The following RAPGEF1 variants were observed in gnomAD, a reference collection of about 807,000 sequenced individuals.
RAPGEF1 encodes the protein Rap guanine nucleotide exchange factor 1.
RAPGEF1 carries 33 observed loss-of-function variants against 143.3 expected under a neutral mutation model. That is an observed-to-expected ratio of 0.23 (90% CI 0.17 to 0.31). RAPGEF1 has a LOEUF of 0.31. RAPGEF1 is among the 10% of genes least tolerant of loss of function. The probability of loss-of-function intolerance (pLI) is 1.00; values close to 1 mark genes in which losing one functional copy is unlikely to be tolerated. For missense variants in RAPGEF1, 1,199 were observed against 1,645.4 expected (o/e 0.73, Z 4.69); for synonymous variants, 629 against 676.5 (o/e 0.93, Z 1.09).
At chr9:131,669,284 AG>A (rs1305766212) in intron 1 of RAPGEF1, among the ~76,000 whole-genome samples, 1 of 152,182 alleles carries the variant, frequency 6.6e-6, no homozygotes, top group Non-Finnish European at 1.5e-5. Flanking sequence ...CCCAGACAAC[AG>A]GGGAAGGAGC....
At chr9:131,630,379 AC>A in intron 5 of RAPGEF1, 55 bp from the exon 6 acceptor site, 1 of 1,564,922 alleles carries the variant, frequency 6.4e-7, no homozygotes, top group Non-Finnish European at 8.8e-7. Flanking sequence ...CTGAGTTTCC[AC>A]CAGAAGGCAG....
intron 5 of RAPGEF1, among the ~76,000 whole-genome samples, chr9:131,636,428 C>CT (rs895804635): frequency 6.6e-6 from 1 of 151,500 alleles, no homozygotes; most frequent in Non-Finnish European, 1.5e-5. Context: ...TTTCTCTCTC[C>CT]TTTTTTTTTC....
intron 12 of RAPGEF1, among the ~76,000 whole-genome samples, chr9:131,610,545 C>T (rs2132625629): frequency 6.6e-6 from 1 of 152,212 alleles, no homozygotes; most frequent in East Asian, 1.9e-4. Context: ...TTTTTGGATG[C>T]TACTTAGCAA....
At chr9:131,647,207 A>T (rs1258212594) in intron 3 of RAPGEF1, among the ~76,000 whole-genome samples, 1 of 152,270 alleles carries the variant, frequency 6.6e-6, no homozygotes, top group Non-Finnish European at 1.5e-5. Flanking sequence ...TTCACTAAGA[A>T]GATGCAAGAG....
Position 131,650,541 on chromosome 9 carries a change from T to C in RAPGEF1, c.201+269A>G, listed in dbSNP as rs1358615491. ...GAGGCAGCAGCCTGGGGTGTGGACA[T>C]GATGTGCTGAGCTGTTTTAAATGCC... On this transcript the variant is annotated intron_variant, in intron 2 of 26. Coordinates refer to ENST00000683357, the MANE Select transcript of RAPGEF1 (RefSeq NM_001377935.1). The surrounding 1 kb of genome is among the most constrained non-coding windows in gnomAD (Gnocchi z 4.7). Among the ~76,000 whole-genome samples the C allele has an allele frequency of 6.6e-6, 1 of 152,074 alleles. No individual in the cohort carries two copies. Among genetic ancestry groups the C allele is most frequent in the African/African-American group, 2.4e-5 (1 of 41,420 alleles).
chr9:131,615,851 C>T (rs960482093), intron 12 of RAPGEF1, among the ~76,000 whole-genome samples: 4 of 152,174 alleles, frequency 2.6e-5, no homozygotes, highest in East Asian at 1.9e-4. Context: ...GTCCTTGCTC[C>T]GCCACCCACA....
At chr9:131,681,406 T>C (rs1832898942) in intron 1 of RAPGEF1, among the ~76,000 whole-genome samples, 1 of 152,150 alleles carries the variant, frequency 6.6e-6, no homozygotes, top group South Asian at 2.1e-4. Context: ...CACCCCCAGA[T>C]CAACAGGGAA....
At chr9:131,582,274 T>C (rs4740286) in intron 25 of RAPGEF1, among the ~76,000 whole-genome samples, 1 of 151,882 alleles carries the variant, frequency 6.6e-6, no homozygotes, top group Non-Finnish European at 1.5e-5. Flanking sequence ...CATACATCTG[T>C]CACAAGCATG....
chr9:131,643,549 G>A, intron 3 of RAPGEF1, 132 bp from the exon 4 acceptor site: 2 of 872,362 alleles, frequency 2.3e-6, no homozygotes, highest in Non-Finnish European at 3.4e-6. Flanking sequence ...CAGAAACCAA[G>A]CCAGATCATT....
chr9:131,714,699 C>T (rs989056510), intron 1 of RAPGEF1, among the ~76,000 whole-genome samples: 1 of 130,938 alleles, frequency 7.6e-6, no homozygotes, highest in Non-Finnish European at 1.6e-5. Flanking sequence ...GTCCTCTAGA[C>T]TCTGCCTTTT....
rs578071345 is a variant in RAPGEF1 at position 131,684,905 on chromosome 9, C to A, written c.62-33956G>T. ...AGACTGATGCTGAGGAGGACCCCAA[C>A]TGTCATGAGCAACACCCGTCGAACA... On this transcript the variant is annotated intron_variant, in intron 1 of 26. Coordinates refer to ENST00000683357, the MANE Select transcript of RAPGEF1 (RefSeq NM_001377935.1). Among the ~76,000 whole-genome samples, 4 of 152,304 alleles carry A rather than the reference C, an allele frequency of 2.6e-5. 1 individual carries two copies. The highest frequency in any genetic ancestry group is 9.6e-5 in the African/African-American group (4 of 41,558).
At chr9:131,587,675 A>C (rs1303355591) in intron 22 of RAPGEF1, 61 bp downstream of exon 22, 2 of 1,490,394 alleles carry the variant, frequency 1.3e-6, no homozygotes, top group African/African-American at 2.8e-5. Context: ...AGGAAAACGC[A>C]GAGCCCACCC....
At chr9:131,620,111 C>T (rs182739419) in intron 11 of RAPGEF1, among the ~76,000 whole-genome samples, 26 of 152,272 alleles carry the variant, frequency 1.7e-4, no homozygotes, top group Admixed American at 6.5e-5. Flanking sequence ...GGGCTGAGCT[C>T]GCCACTGCCC....
chr9:131,636,514 C>T (rs956345026), intron 5 of RAPGEF1, among the ~76,000 whole-genome samples: 10 of 152,260 alleles, frequency 6.6e-5, no homozygotes, highest in South Asian at 2.1e-4. Flanking sequence ...GCTGTAATGA[C>T]TCCATAGAGG....
chr9:131,738,461 TTCAGTGAGAAAAATAC>T (rs1837556553), intron 1 of RAPGEF1, among the ~76,000 whole-genome samples: 1 of 152,048 alleles, frequency 6.6e-6, no homozygotes, highest in African/African-American at 2.4e-5. Context: ...GGGGCTCAAA[TTCAGTGAGAAAAATAC>T]TCAAGAAATG....
chr9:131,686,080 A>G (rs1371796764), intron 1 of RAPGEF1, among the ~76,000 whole-genome samples: 1 of 152,206 alleles, frequency 6.6e-6, no homozygotes, highest in South Asian at 2.1e-4. Flanking sequence ...TCTTTTTACA[A>G]CGTAGTACCT....
intron 17 of RAPGEF1, 59 bp from the exon 18 acceptor site, chr9:131,592,242 G>T: frequency 1.4e-6 from 2 of 1,397,008 alleles, no homozygotes; most frequent in Non-Finnish European, 1.0e-6. Context: ...GGGGGTGGTA[G>T]CCAGGGTGGA....
chr9:131,598,260 A>G lies in RAPGEF1; in HGVS notation c.2552T>C (p.Val851Ala). 6.2e-7 allele frequency: 1 copy of G among 1,614,016 alleles called. No individual in the cohort carries two copies. Among genetic ancestry groups the G allele is most frequent in the Non-Finnish European group, 8.5e-7 (1 of 1,179,898 alleles). ...ALESAQSEEE[V>A]DELSLIDHNE... The stretch of plus-strand genomic sequence containing the variant: ...GTGGTCAATGAGGGACAGCTCGTCC[A>G]CTTCCTCCTCCGACTGAGCCGACTC... The change falls in exon 16 of 27, where the codon GTG becomes GCG. Residue 851 changes from valine (V) to alanine (A), a missense_variant. By Grantham distance (64) the Val-to-Ala change is moderately conservative. Around this residue, in one of 6 missense-constraint regions of RAPGEF1, gnomAD observed 293 missense variants for 356.2 expected, o/e 0.82. Transcript: ENST00000683357.
At chr9:131,717,059 T>C (rs1835913654) in intron 1 of RAPGEF1, among the ~76,000 whole-genome samples, 1 of 152,108 alleles carries the variant, frequency 6.6e-6, no homozygotes, top group Non-Finnish European at 1.5e-5. Flanking sequence ...CAGCCTCGGG[T>C]CCCACAGCCT....
Sources: gnomAD v4.1 joint callset for allele counts (sites outside exome capture counted in the v4.1 genomes callset) on GRCh38, gnomAD v4.1.1 for gene constraint, gnomAD v4.1.1 regional missense constraint, Gnocchi (gnomAD v3.1) non-coding constraint, MANE v1.5 for transcripts, NCBI Gene and HGNC (gene_info 2026-07-23, HGNC 2026-07-21) for gene names.